The following PODNL1 variants were observed in gnomAD, a reference collection of about 807,000 sequenced individuals.
PODNL1 encodes the protein podocan-like protein 1.
A neutral mutation model predicts 45.1 loss-of-function variants in PODNL1; 50 were observed. That is an observed-to-expected ratio of 1.11 (90% CI 0.88 to 1.40). The LOEUF (loss-of-function observed/expected upper bound fraction) is 1.40, where lower values mean the gene tolerates loss of function less well. PODNL1 is among the 40% of genes most tolerant of loss of function. The pLI is 0.00. For missense variants in PODNL1, 788 were observed against 793.3 expected, an observed-to-expected ratio of 0.99 and a Z score of 0.08; for synonymous variants, 406 against 372.5, an observed-to-expected ratio of 1.09 and a Z score of -1.04.
At position 13,933,533 on chromosome 19, in the gene PODNL1, A is replaced by G. The variant is rs1599426250; in HGVS notation, c.768-78T>C. 7.1e-7 allele frequency: 1 copy of G among 1,405,394 alleles called. No individual in the cohort carries two copies. The highest frequency in any genetic ancestry group is 1.4e-5 in the South Asian group (1 of 72,712). 87.1% of individuals were successfully genotyped at this position (1,405,394 alleles called of 1,614,324 possible). On this transcript the variant is annotated intron_variant, in intron 7 of 9. Coordinates refer to ENST00000588872, the MANE Select transcript of PODNL1 (RefSeq NM_001370095.3). The surrounding 1 kb of genome is among the most constrained non-coding windows in gnomAD (Gnocchi z 5.2). Reference sequence around the variant, plus strand: ...ACAGATTTTGGCGGGGAGGCTGGGGAGTGGTCCTGAGACAGATTTAAGCTG... The same window carrying G: ...ACAGATTTTGGCGGGGAGGCTGGGGGGTGGTCCTGAGACAGATTTAAGCTG...
At chr19:13,947,523 G>A (rs1463918150) in intron 1 of PODNL1, among the ~76,000 whole-genome samples, 1 of 152,010 alleles carries the variant, frequency 6.6e-6, no homozygotes, top group Admixed American at 6.6e-5. Flanking sequence ...TAAATTGCAG[G>A]ACATCATGTT....
chr19:13,944,702 C>T (rs1312975436), intron 1 of PODNL1, among the ~76,000 whole-genome samples: 2 of 151,668 alleles, frequency 1.3e-5, no homozygotes, highest in Non-Finnish European at 2.9e-5. Flanking sequence ...ATGATCCGCC[C>T]GCCTTGGCCT....
In PODNL1 at chr19:13,933,012, C is replaced by T. The variant is rs750867936; in HGVS notation, c.1211G>A (p.Arg404His). ...CTGATTCCCTGCCAGGTCGAGGCTG[C>T]GCAGGGCACGCAACCGGCGGAAGGC... is the stretch of plus-strand genomic sequence containing the variant. ...HRAFRRLRAL[R>H]SLDLAGNQLT... Residue 404 changes from arginine to histidine, a missense_variant, in exon 8 of 10, where the codon CGC (arginine) becomes CAC (histidine). Around this residue, in one of 3 missense-constraint regions of PODNL1, gnomAD observed 762 missense variants for 750.9 expected, o/e 1.01. Coordinates refer to ENST00000588872, the MANE Select transcript of PODNL1 (RefSeq NM_001370095.3). The surrounding 1 kb of genome is among the most constrained non-coding windows in gnomAD (Gnocchi z 5.2). The T allele has an allele frequency of 6.5e-6, 10 of 1,540,506 alleles. No homozygotes were observed. Among genetic ancestry groups the T allele is most frequent in the East Asian group, 4.8e-5 (2 of 41,286 alleles).
chr19:13,932,626 G>C, intron 8 of PODNL1, 172 bp downstream of exon 8: 1 of 1,512,602 alleles, frequency 6.6e-7, no homozygotes, highest in Non-Finnish European at 8.9e-7. Context: ...AAAGTGCTGG[G>C]ATTACAGGCA....
At chr19:13,953,116 T>A in intron 1 of PODNL1, 1 of 1,550,168 alleles carries the variant, frequency 6.5e-7, no homozygotes, top group African/African-American at 1.4e-5. Context: ...GGAGTTCCAG[T>A]ACCTGGGTGG....
At chr19:13,939,368 T>C (rs1330399057), upstream of PODNL1, among the ~76,000 whole-genome samples, 4 of 151,994 alleles carry the variant, frequency 2.6e-5, no homozygotes, top group African/African-American at 4.8e-5. Flanking sequence ...CCTCCCACCA[T>C]GCCCAGCTAA....
chr19:13,953,352 CTG>C (rs1024241538), exon 1 of PODNL1: 1 of 515,056 alleles, frequency 1.9e-6, no homozygotes, highest in African/African-American at 2.0e-5. Flanking sequence ...TGGACAGGGA[CTG>C]CGCCTTCTCC....
chr19:13,952,342 T>C, intron 1 of PODNL1: 3 of 962,846 alleles, frequency 3.1e-6, no homozygotes, highest in Non-Finnish European at 2.7e-6. Flanking sequence ...CCGCGGGGGC[T>C]GTTACTGTCG....
chr19:13,936,073 C>T, intron 3 of PODNL1, 29 bp from the exon 4 acceptor site: 1 of 1,538,634 alleles, frequency 6.5e-7, no homozygotes, highest in Non-Finnish European at 8.8e-7. Context: ...AGTGAAGGGA[C>T]CCCAGGCCTG....
At chr19:13,932,759 G>T (rs1469757762) in intron 8 of PODNL1, 39 bp downstream of exon 8, 1 of 1,612,756 alleles carries the variant, frequency 6.2e-7, no homozygotes. Context: ...GGGATGGAGG[G>T]GCCCTGGGGA....
intron 6 of PODNL1, 58 bp downstream of exon 6, chr19:13,934,196 T>C (rs1463944164): frequency 2.7e-6 from 4 of 1,465,872 alleles, no homozygotes; most frequent in Middle Eastern, 2.2e-4. Context: ...ACTGGAGGGG[T>C]CCCCCTGGAA....
chr19:13,936,551 A>G lies in PODNL1; in HGVS notation c.226-91T>C, dbSNP rs369873416. ...TCTCAACTTCCCATCAGCCCAAACCAGCCCCATACCATCATCACCCCCACA... is the reference window on the plus strand; with the variant it reads ...TCTCAACTTCCCATCAGCCCAAACCGGCCCCATACCATCATCACCCCCACA... On this transcript the variant is annotated intron_variant, in intron 2 of 9. Coordinates refer to ENST00000588872, the MANE Select transcript of PODNL1 (RefSeq NM_001370095.3). 2.1e-4 allele frequency: 209 copies of G among 993,352 alleles called. 5 individuals carry two copies. The South Asian group carries it at 2.7e-3, about 13-fold the overall frequency. 61.5% of individuals were successfully genotyped at this position (993,352 alleles called of 1,614,324 possible).
At chr19:13,941,399 C>T (rs188160294), upstream of PODNL1, among the ~76,000 whole-genome samples, 416 of 151,334 alleles carry the variant, frequency 2.7e-3, no homozygotes, top group Non-Finnish European at 4.7e-3. Flanking sequence ...AGCGTCTGCT[C>T]AGCTTGGGAG....
chr19:13,933,830 C>A lies in PODNL1; in HGVS notation c.767+48G>T. The A allele has an allele frequency of 6.7e-7, 1 of 1,498,972 alleles. No homozygotes were observed. Among genetic ancestry groups the A allele is most frequent in the Non-Finnish European group, 9.1e-7 (1 of 1,099,772 alleles). The allele number at this position is 1,498,972 out of a possible 1,614,324, so 92.9% of individuals were successfully genotyped here. On this transcript the variant is annotated intron_variant, in intron 7 of 9. Transcript: ENST00000588872. The surrounding 1 kb of genome is among the most constrained non-coding windows in gnomAD (Gnocchi z 5.2). ...GGGAAGGGGGACTGAAGGTTGGGACCCCCGACTGTAAATTCTCAGCCCCTG... is the reference window on the plus strand; with the variant it reads ...GGGAAGGGGGACTGAAGGTTGGGACACCCGACTGTAAATTCTCAGCCCCTG...
chr19:13,942,160 C>T (rs1972675473), upstream of PODNL1, among the ~76,000 whole-genome samples: 1 of 152,056 alleles, frequency 6.6e-6, no homozygotes, highest in Admixed American at 6.6e-5. Context: ...GAAGGAGAAC[C>T]CAAACTGAAC....
chr19:13,949,071 T>C (rs1001097555), intron 1 of PODNL1, among the ~76,000 whole-genome samples: 1 of 151,542 alleles, frequency 6.6e-6, no homozygotes, highest in South Asian at 2.1e-4. Context: ...GCGATTCTCA[T>C]GCCTCAGCCT....
intron 1 of PODNL1, chr19:13,952,601 G>A (rs1973104657): frequency 4.7e-6 from 6 of 1,266,944 alleles, no homozygotes; most frequent in Non-Finnish European, 6.0e-6. Flanking sequence ...CGGGCAGCAG[G>A]GCGGCGGCGG....
rs758194307 is a variant in PODNL1 at position 13,932,849 on chromosome 19, G to C, written c.1374C>G (p.Leu458=). 6.2e-7 allele frequency: 1 copy of C among 1,612,214 alleles called. No homozygotes were observed. The highest frequency in any genetic ancestry group is 1.7e-5 in the Admixed American group (1 of 59,922). The change falls in exon 8 of 10, where the codon CTC becomes CTG. Residue 458 remains leucine (L), a synonymous_variant. Coordinates refer to ENST00000588872, the MANE Select transcript of PODNL1 (RefSeq NM_001370095.3). ...LRELSLAHNR[L]RVGDIGPGTW... ...TGCCTGGCCCGATGTCGCCGACCCG[G>C]AGCCGGTTGTGCGCCAGGCTGAGCT...
rs1049896905 is a variant in PODNL1 at position 13,935,939 on chromosome 19, C to T, written c.384+41G>A. The T allele has an allele frequency of 6.5e-6, 10 of 1,547,658 alleles. No individual in the cohort carries two copies. In the East Asian group the frequency reaches 2.4e-4, roughly 38 times the overall value. ...CCTGGGCTGAGTGACTGAAGCTGCACCCTCACTGGGCTCGGCCTGCGGGTG... is the reference window on the plus strand; with the variant it reads ...CCTGGGCTGAGTGACTGAAGCTGCATCCTCACTGGGCTCGGCCTGCGGGTG... On this transcript the variant is annotated intron_variant, in intron 4 of 9. Coordinates refer to ENST00000588872, the MANE Select transcript of PODNL1 (RefSeq NM_001370095.3).
Sources: gnomAD v4.1 joint callset for allele counts (sites outside exome capture counted in the v4.1 genomes callset) on GRCh38, gnomAD v4.1.1 for gene constraint, gnomAD v4.1.1 regional missense constraint, Gnocchi (gnomAD v3.1) non-coding constraint, MANE v1.5 for transcripts, NCBI Gene and HGNC (gene_info 2026-07-23, HGNC 2026-07-21) for gene names.